Variants in SLC7A1 observed in about 807,000 individuals in gnomAD.
SLC7A1 encodes solute carrier family 7 member 1.
A neutral mutation model predicts 53.9 loss-of-function variants in SLC7A1; 10 were observed. The ratio of observed to expected loss-of-function variants is 0.19; its 90% CI spans 0.11 to 0.31. SLC7A1 has a LOEUF of 0.31. Ranked by LOEUF, SLC7A1 falls within the 10% of genes least tolerant of loss-of-function variation. SLC7A1 has a pLI of 1.00. For missense variants in SLC7A1, 525 were observed against 827.2 expected (o/e 0.63, Z 4.48); for synonymous variants, 342 against 338.7 (o/e 1.01, Z -0.11).
intron 1 of SLC7A1, among the ~76,000 whole-genome samples, chr13:29,584,112 T>G (rs1482296978): frequency 2.7e-5 from 3 of 109,252 alleles, no homozygotes; most frequent in Non-Finnish European, 7.6e-5. Flanking sequence ...TTTGTAACTT[T>G]TTTTTTCTTT....
intron 9 of SLC7A1, 109 bp from the exon 10 acceptor site, chr13:29,517,899 A>T: frequency 2.5e-6 from 2 of 793,762 alleles, no homozygotes; most frequent in Non-Finnish European, 4.3e-6. Flanking sequence ...GACACAAGGT[A>T]TAAAATGGGA....
At chr13:29,544,911 C>T (rs1248028708) in intron 2 of SLC7A1, among the ~76,000 whole-genome samples, 2 of 151,808 alleles carry the variant, frequency 1.3e-5, no homozygotes, top group Non-Finnish European at 2.9e-5. Flanking sequence ...ACTCGGCCCC[C>T]TCAAGATGCT....
intron 2 of SLC7A1, among the ~76,000 whole-genome samples, chr13:29,549,201 A>T (rs188812168): frequency 6.6e-6 from 1 of 152,350 alleles, no homozygotes; most frequent in Admixed American, 6.5e-5. Context: ...AATTCCTTTC[A>T]GGTATCTGGA....
rs751852349 is a variant in SLC7A1, at chr13:29,514,608, C to A, written c.1787-25G>T. 1.1e-5 allele frequency: 17 copies of A among 1,554,728 alleles called. No individual in the cohort carries two copies. The East Asian group carries it at 1.8e-4, about 17-fold the overall frequency. Reference sequence around the variant, plus strand: ...CCTGCGGGCCGACAGCAGAGACGGGCGTGAACAGACCGCCGGTTGCACCAC... The same window carrying A: ...CCTGCGGGCCGACAGCAGAGACGGGAGTGAACAGACCGCCGGTTGCACCAC... On this transcript the variant is annotated intron_variant, in intron 12 of 12. Coordinates refer to ENST00000380752, the MANE Select transcript of SLC7A1 (RefSeq NM_003045.5).
Position 29,532,942 on chromosome 13 carries a change from G to A in SLC7A1, c.411C>T (p.Asp137=), listed in dbSNP as rs201581415. The stretch of plus-strand genomic sequence containing the variant: ...CCCCGATGGGTCTGCCTATCAGCTC[G>A]TCGAAGGTGGCGCTCCAGGCCCTCG... ...SVARAWSATF[D]ELIGRPIGEF... Residue 137 remains aspartate (D), a synonymous_variant, in exon 4 of 13, where the codon GAC becomes GAT. Transcript: ENST00000380752. 131 of 1,614,044 alleles carry A rather than the reference G, an allele frequency of 8.1e-5. 1 individual carries two copies. The African/African-American group carries it at 9.6e-4, about 12-fold the overall frequency.
chr13:29,587,867 A>C (rs1871952409), intron 1 of SLC7A1, among the ~76,000 whole-genome samples: 1 of 152,164 alleles, frequency 6.6e-6, no homozygotes, highest in African/African-American at 2.4e-5. Flanking sequence ...GGGGCTCCTG[A>C]CTAGTGTGTG....
chr13:29,548,189 C>T (rs536446386), intron 2 of SLC7A1, among the ~76,000 whole-genome samples: 1 of 152,174 alleles, frequency 6.6e-6, no homozygotes, highest in Non-Finnish European at 1.5e-5. Context: ...CTCTCTCACC[C>T]GATAGCCTCC....
chr13:29,519,076 TA>T (rs1868503035), intron 9 of SLC7A1, among the ~76,000 whole-genome samples: 1 of 152,194 alleles, frequency 6.6e-6, no homozygotes. Flanking sequence ...TGGGTTTTCC[TA>T]ACTCCTACCA....
At position 29,573,739 on chromosome 13, in the gene SLC7A1, TA is replaced by T. The variant is rs1372472166; in HGVS notation, c.-114-19880del. Among the ~76,000 whole-genome samples the T allele has an allele frequency of 3.9e-5, 6 of 152,352 alleles. No individual in the cohort carries two copies. The East Asian group carries it at 1.2e-3, about 29-fold the overall frequency. The stretch of plus-strand genomic sequence containing the variant: ...ATTGCCAACAAATAATCTTTTAGTA[TA>T]AAAAAGTTATACTAAAAAAAGTATC... On this transcript the variant is annotated intron_variant, in intron 1 of 12. Coordinates refer to ENST00000380752, the MANE Select transcript of SLC7A1 (RefSeq NM_003045.5).
intron 1 of SLC7A1, among the ~76,000 whole-genome samples, chr13:29,555,393 T>C (rs1418205648): frequency 7.2e-6 from 1 of 138,112 alleles, no homozygotes; most frequent in African/African-American, 2.7e-5. Flanking sequence ...AATTACATTG[T>C]GTTACCAAAC....
At chr13:29,527,446 C>T (rs185263763) in intron 5 of SLC7A1, among the ~76,000 whole-genome samples, 17 of 147,116 alleles carry the variant, frequency 1.2e-4, no homozygotes, top group Non-Finnish European at 1.9e-4. Context: ...TCTACAGAGG[C>T]GCAAACCAAA....
At position 29,509,697 on chromosome 13, in the gene SLC7A1, A is replaced by C. The variant is rs1327096662; in HGVS notation, c.*4783T>G. 6.6e-6 allele frequency: 1 copy of C among 152,488 alleles called. No homozygotes were observed. Among genetic ancestry groups the C allele is most frequent in the Non-Finnish European group, 1.5e-5 (1 of 68,032 alleles). 9.4% of individuals were successfully genotyped at this position (152,488 alleles called of 1,614,324 possible). ...ATCACAACTTTAAGAAACTAAAAGAAAACTATTAGAAAAATAGAACATCAA... is the reference window on the plus strand; with the variant it reads ...ATCACAACTTTAAGAAACTAAAAGACAACTATTAGAAAAATAGAACATCAA... On this transcript the variant is annotated 3_prime_UTR_variant, in exon 13 of 13. Coordinates refer to ENST00000380752, the MANE Select transcript of SLC7A1 (RefSeq NM_003045.5).
intron 12 of SLC7A1, among the ~76,000 whole-genome samples, chr13:29,515,384 GA>G (rs995017345): frequency 1.3e-5 from 2 of 152,242 alleles, no homozygotes; most frequent in African/African-American, 4.8e-5. Context: ...TGCAGGGAAT[GA>G]GGACCCACCC....
intron 1 of SLC7A1, among the ~76,000 whole-genome samples, chr13:29,573,396 C>T (rs1008603839): frequency 6.6e-6 from 1 of 152,118 alleles, no homozygotes; most frequent in African/African-American, 2.4e-5. Flanking sequence ...TTACCAGAAT[C>T]GCGGGGAACA....
At chr13:29,590,554 A>G (rs1210694737) in intron 1 of SLC7A1, among the ~76,000 whole-genome samples, 1 of 152,150 alleles carries the variant, frequency 6.6e-6, no homozygotes, top group Non-Finnish European at 1.5e-5. Context: ...AGACATCAGG[A>G]TTCCAAAGAG....
intron 3 of SLC7A1, among the ~76,000 whole-genome samples, chr13:29,533,550 G>A (rs992667486): frequency 1.3e-5 from 2 of 152,162 alleles, no homozygotes; most frequent in African/African-American, 4.8e-5. Context: ...CAGGGACAAA[G>A]CCACTTGCTC....
intron 1 of SLC7A1, among the ~76,000 whole-genome samples, chr13:29,581,839 C>T (rs1236488360): frequency 6.6e-6 from 1 of 152,212 alleles, no homozygotes; most frequent in African/African-American, 2.4e-5. Context: ...TTTCACCACC[C>T]CCAGCCTTCT....
intron 10 of SLC7A1, 76 bp downstream of exon 10, chr13:29,517,497 C>A: frequency 7.6e-7 from 1 of 1,316,512 alleles, no homozygotes; most frequent in African/African-American, 1.4e-5. Context: ...CTGGCACCTT[C>A]CCCCAACTCC....
At chr13:29,542,172 C>T (rs1038415187) in intron 2 of SLC7A1, among the ~76,000 whole-genome samples, 8 of 152,258 alleles carry the variant, frequency 5.3e-5, no homozygotes, top group Non-Finnish European at 7.4e-5. Flanking sequence ...TACATGAACT[C>T]GGCCAGGCGC....
Sources: gnomAD v4.1 joint callset for allele counts (sites outside exome capture counted in the v4.1 genomes callset) on GRCh38, gnomAD v4.1.1 for gene constraint, MANE v1.5 for transcripts, NCBI Gene and HGNC (gene_info 2026-07-23, HGNC 2026-07-21) for gene names.